Variants in TLL1 observed in about 807,000 individuals in gnomAD.
TLL1 encodes the protein tolloid-like protein 1.
In TLL1, 49 loss-of-function variants were observed where a neutral mutation model predicts 128.2. The observed-to-expected ratio is 0.38, with a 90% CI of 0.30 to 0.48. The LOEUF is 0.48. Among genes scored for constraint, TLL1 ranks in the 20% least tolerant of loss-of-function variants. The pLI is 0.96. For synonymous variants in TLL1, 454 were observed against 418.8 expected, an observed-to-expected ratio of 1.08 and a Z score of -1.03; for missense variants, 1,123 against 1,242.0, an observed-to-expected ratio of 0.90 and a Z score of 1.44.
intron 13 of TLL1, among the ~76,000 whole-genome samples, chr4:166,055,589 G>T (rs1457661274): frequency 6.6e-6 from 1 of 152,094 alleles, no homozygotes; most frequent in Non-Finnish European, 1.5e-5. Flanking sequence ...TTCATGAACA[G>T]AAGAAGGTTA....
chr4:166,074,121 G>T (rs1304929692), intron 16 of TLL1, among the ~76,000 whole-genome samples: 2 of 152,000 alleles, frequency 1.3e-5, no homozygotes, highest in Non-Finnish European at 2.9e-5. Context: ...TAGTGAATTT[G>T]TTGGCTATTT....
At chr4:166,052,917 C>A (rs1404124202) in intron 12 of TLL1, among the ~76,000 whole-genome samples, 1 of 125,474 alleles carries the variant, frequency 8.0e-6, no homozygotes, top group East Asian at 2.3e-4. Flanking sequence ...TTATAGAGAA[C>A]CCTGATTTTG....
intron 1 of TLL1, among the ~76,000 whole-genome samples, chr4:165,937,677 G>T (rs7681099): frequency 0.15 from 22,519 of 151,646 alleles, 4,619 homozygotes; most frequent in African/African-American, 0.47. Context: ...TTGAAATTTG[G>T]TCTCCAGTAG....
At chr4:166,035,800 A>G (rs1192164023) in intron 9 of TLL1, among the ~76,000 whole-genome samples, 2 of 152,168 alleles carry the variant, frequency 1.3e-5, no homozygotes, top group East Asian at 3.9e-4. Flanking sequence ...TAGCATTGAA[A>G]CAGACATAAA....
At chr4:165,934,477 C>T (rs991538379) in intron 1 of TLL1, among the ~76,000 whole-genome samples, 2 of 152,130 alleles carry the variant, frequency 1.3e-5, no homozygotes, top group Non-Finnish European at 2.9e-5. Context: ...AAGATGAGGC[C>T]TCTGTGTCAA....
At chr4:166,034,967 C>G (rs551137125) in intron 9 of TLL1, among the ~76,000 whole-genome samples, 33 of 152,274 alleles carry the variant, frequency 2.2e-4, no homozygotes, top group African/African-American at 7.7e-4. Context: ...AAATGATGAA[C>G]CTGTTTCCTC....
rs543491092 is a variant in TLL1 at position 165,955,216 on chromosome 4, C to T, written c.170-34165C>T. ...AGTCCTTCAAATCAACCCAATCAGA[C>T]CAAAAAATTAAAATAAAAATAAAAA... On this transcript the variant is annotated intron_variant, in intron 1 of 20. Transcript: ENST00000061240. Among the ~76,000 whole-genome samples, 8 of 150,866 alleles carry T rather than the reference C, an allele frequency of 5.3e-5. No individual in the cohort carries two copies. In the South Asian group the frequency reaches 1.7e-3, roughly 32 times the overall value.
intron 16 of TLL1, among the ~76,000 whole-genome samples, chr4:166,067,191 T>C (rs1440263206): frequency 6.6e-6 from 1 of 151,734 alleles, no homozygotes; most frequent in African/African-American, 2.4e-5. Flanking sequence ...TAAAATGATT[T>C]TTAAAAAGAA....
At position 165,988,318 on chromosome 4, in the gene TLL1, G is replaced by T. The variant is rs1343100437; in HGVS notation, c.170-1063G>T. ...GTAGCATAATACACTAGGTAAAAAAGATAGAGTCAGACTGAGAGCAGTTGC... is the reference window on the plus strand; with the variant it reads ...GTAGCATAATACACTAGGTAAAAAATATAGAGTCAGACTGAGAGCAGTTGC... On this transcript the variant is annotated intron_variant, in intron 1 of 20. Coordinates refer to ENST00000061240, the MANE Select transcript of TLL1 (RefSeq NM_012464.5). Among the ~76,000 whole-genome samples, 3 of 152,072 alleles carry T rather than the reference G, an allele frequency of 2.0e-5. No homozygotes were observed. In the East Asian group the frequency reaches 5.8e-4, roughly 29 times the overall value.
intron 1 of TLL1, among the ~76,000 whole-genome samples, chr4:165,951,299 A>G (rs1015330801): frequency 3.3e-5 from 5 of 152,148 alleles, no homozygotes; most frequent in African/African-American, 9.7e-5. Context: ...GGTTGGGATT[A>G]GAGTAAGGAA....
intron 1 of TLL1, among the ~76,000 whole-genome samples, chr4:165,891,209 GA>G (rs1434422399): frequency 6.6e-6 from 1 of 152,140 alleles, no homozygotes; most frequent in Non-Finnish European, 1.5e-5. Context: ...CTTGTGATGG[GA>G]GGGGCTGCCA....
chr4:165,903,485 T>C (rs545302285), intron 1 of TLL1, among the ~76,000 whole-genome samples: 2 of 145,434 alleles, frequency 1.4e-5, no homozygotes, highest in Admixed American at 1.4e-4. Context: ...CAATCTTGGC[T>C]CACTGCAACC....
chr4:165,993,535 A>C (rs1182913242), intron 3 of TLL1, among the ~76,000 whole-genome samples: 1 of 152,092 alleles, frequency 6.6e-6, no homozygotes, highest in Non-Finnish European at 1.5e-5. Flanking sequence ...TAATTTTCCC[A>C]AGCAAAAGTG....
At chr4:165,892,074 C>T (rs988316299) in intron 1 of TLL1, among the ~76,000 whole-genome samples, 6 of 152,178 alleles carry the variant, frequency 3.9e-5, no homozygotes, top group South Asian at 2.1e-4. Flanking sequence ...CTTCAAATGG[C>T]GGCAGCACGG....
At chr4:165,919,620 GGC>G (rs1415948563) in intron 1 of TLL1, among the ~76,000 whole-genome samples, 24 of 151,940 alleles carry the variant, frequency 1.6e-4, no homozygotes, top group African/African-American at 5.6e-4. Flanking sequence ...CCAAATGAAT[GGC>G]AATATGGAGA....
intron 18 of TLL1, among the ~76,000 whole-genome samples, chr4:166,085,775 T>C (rs941264227): frequency 2.6e-5 from 4 of 152,128 alleles, no homozygotes; most frequent in African/African-American, 9.7e-5. Context: ...GGTTTTGGTA[T>C]AAGGATAGCA....
Position 166,015,810 on chromosome 4 carries a change from C to T in TLL1, c.1042+1250C>T, listed in dbSNP as rs115620554. Among the ~76,000 whole-genome samples the T allele has an allele frequency of 5.1e-3, 775 of 151,534 alleles. 2 individuals are homozygous for T. Among genetic ancestry groups the T allele is most frequent in the African/African-American group, 0.018 (732 of 41,336 alleles). ...ACATTCCTGCTGAGAGAAGGGATTT[C>T]CTATTCCTTAATACTAGATTTGCTA... is the stretch of plus-strand genomic sequence containing the variant. On this transcript the variant is annotated intron_variant, in intron 8 of 20. Coordinates refer to ENST00000061240, the MANE Select transcript of TLL1 (RefSeq NM_012464.5).
At chr4:165,899,672 G>A (rs1731862475) in intron 1 of TLL1, among the ~76,000 whole-genome samples, 1 of 152,214 alleles carries the variant, frequency 6.6e-6, no homozygotes, top group Non-Finnish European at 1.5e-5. Flanking sequence ...TAAGTGTGAT[G>A]TGGTGCTGAG....
At chr4:166,059,869 A>T (rs1201450381) in intron 14 of TLL1, among the ~76,000 whole-genome samples, 159 bp from the exon 15 acceptor site, 3 of 152,166 alleles carry the variant, frequency 2.0e-5, no homozygotes, top group African/African-American at 7.2e-5. Flanking sequence ...CAATACTTGT[A>T]TCAAGACTAA....
Sources: gnomAD v4.1 joint callset for allele counts (sites outside exome capture counted in the v4.1 genomes callset) on GRCh38, gnomAD v4.1.1 for gene constraint, MANE v1.5 for transcripts, NCBI Gene and HGNC (gene_info 2026-07-23, HGNC 2026-07-21) for gene names.